Variants in ADGRB3 observed in about 807,000 individuals in gnomAD.
ADGRB3 encodes adhesion G protein-coupled receptor B3, also known as brain-specific angiogenesis inhibitor 3.
Under a neutral mutation model 193.4 loss-of-function variants are expected in ADGRB3, and 37 were observed. That is an observed-to-expected ratio of 0.19 (90% CI 0.15 to 0.25). The LOEUF (loss-of-function observed/expected upper bound fraction) is 0.25. ADGRB3 is among the 10% of genes least tolerant of loss of function. ADGRB3 has a pLI of 1.00. For missense variants in ADGRB3, 1,637 were observed against 1,852.9 expected, an observed-to-expected ratio of 0.88 and a Z score of 2.14; for synonymous variants, 690 against 644.2, an observed-to-expected ratio of 1.07 and a Z score of -1.08.
intron 3 of ADGRB3, among the ~76,000 whole-genome samples, chr6:68,799,957 T>C (rs1458951007): frequency 6.6e-6 from 1 of 152,174 alleles, no homozygotes; most frequent in African/African-American, 2.4e-5. Context: ...CCATTTGAGA[T>C]GGAAACCCTG....
At chr6:68,698,679 G>A (rs954148137) in intron 3 of ADGRB3, among the ~76,000 whole-genome samples, 4 of 151,992 alleles carry the variant, frequency 2.6e-5, no homozygotes, top group Admixed American at 6.6e-5. Context: ...AGAGAACATG[G>A]TTATTGATAA....
chr6:68,945,387 TATGAG>T (rs1221261275), intron 6 of ADGRB3, among the ~76,000 whole-genome samples: 1 of 152,126 alleles, frequency 6.6e-6, no homozygotes, highest in African/African-American at 2.4e-5. Flanking sequence ...AAAATCTATT[TATGAG>T]ATCAGTAACA....
chr6:69,375,007 G>T (rs958764640), intron 30 of ADGRB3, among the ~76,000 whole-genome samples: 10 of 152,016 alleles, frequency 6.6e-5, no homozygotes, highest in African/African-American at 1.9e-4. Flanking sequence ...AATAGGAAAA[G>T]GCATGTAGGT....
chr6:68,786,708 G>T (rs1487987124), intron 3 of ADGRB3, among the ~76,000 whole-genome samples: 1 of 150,812 alleles, frequency 6.6e-6, no homozygotes, highest in Admixed American at 6.6e-5. Flanking sequence ...TTGGTAGCTT[G>T]ATGGGGATGG....
chr6:68,963,058 C>G (rs1329041188), intron 8 of ADGRB3, among the ~76,000 whole-genome samples: 1 of 152,144 alleles, frequency 6.6e-6, no homozygotes, highest in Non-Finnish European at 1.5e-5. Flanking sequence ...AGTGATTCCT[C>G]ATTCTAGCAA....
chr6:69,187,387 T>C (rs1765092939), intron 17 of ADGRB3, among the ~76,000 whole-genome samples: 1 of 152,156 alleles, frequency 6.6e-6, no homozygotes, highest in South Asian at 2.1e-4. Context: ...GACTTTCTGG[T>C]GATGCACTAA....
chr6:69,360,594 G>A (rs914437030), intron 28 of ADGRB3, among the ~76,000 whole-genome samples: 1 of 151,824 alleles, frequency 6.6e-6, no homozygotes, highest in East Asian at 1.9e-4. Context: ...TTAAGGACAG[G>A]GTACTAAGAT....
At chr6:69,372,997 GA>G (rs1769738136) in intron 30 of ADGRB3, among the ~76,000 whole-genome samples, 1 of 151,784 alleles carries the variant, frequency 6.6e-6, no homozygotes, top group Non-Finnish European at 1.5e-5. Context: ...CAAACAAGAT[GA>G]AAATTTTCAT....
At chr6:69,194,140 A>G (rs1765252007) in intron 17 of ADGRB3, among the ~76,000 whole-genome samples, 1 of 152,096 alleles carries the variant, frequency 6.6e-6, no homozygotes, top group African/African-American at 2.4e-5. Context: ...TTTCTAAAAC[A>G]AAATAAATTT....
chr6:68,728,577 C>T lies in ADGRB3; in HGVS notation c.757+89145C>T, dbSNP rs148771962. Among the ~76,000 whole-genome samples the T allele has an allele frequency of 1.3e-3, 193 of 151,580 alleles. 1 individual carries two copies. Among genetic ancestry groups the T allele is most frequent in the African/African-American group, 4.5e-3 (185 of 41,432 alleles). Reference sequence around the variant, plus strand: ...GGCTTTCTTCTAAATTACACACACACAAACACACACACGTAATATGTAGGC... The same window carrying T: ...GGCTTTCTTCTAAATTACACACACATAAACACACACACGTAATATGTAGGC... On this transcript the variant is annotated intron_variant, in intron 3 of 31. Coordinates refer to ENST00000370598, the MANE Select transcript of ADGRB3 (RefSeq NM_001704.3).
chr6:69,034,569 A>G (rs1260178026), intron 13 of ADGRB3, among the ~76,000 whole-genome samples: 1 of 148,062 alleles, frequency 6.8e-6, no homozygotes, highest in Non-Finnish European at 1.5e-5. Flanking sequence ...TAAATTATAT[A>G]GCTATATATT....
intron 3 of ADGRB3, among the ~76,000 whole-genome samples, chr6:68,746,114 T>G (rs573484433): frequency 6.6e-6 from 1 of 152,204 alleles, no homozygotes; most frequent in South Asian, 2.1e-4. Flanking sequence ...TGCTGCCAAA[T>G]TAGCCTCCAT....
chr6:69,040,511 C>CATATATA (rs1305720327), intron 13 of ADGRB3, among the ~76,000 whole-genome samples: 7 of 150,938 alleles, frequency 4.6e-5, no homozygotes, highest in Non-Finnish European at 8.8e-5. Context: ...TGGATTCACC[C>CATATATA]TGTATACCAA....
At chr6:68,967,175 C>T (rs1768408287) in intron 8 of ADGRB3, among the ~76,000 whole-genome samples, 1 of 152,134 alleles carries the variant, frequency 6.6e-6, no homozygotes, top group African/African-American at 2.4e-5. Flanking sequence ...CCAAGAAGCA[C>T]AATGAATCCA....
rs190197666 is a variant in ADGRB3 at position 69,116,050 on chromosome 6, G to A, written c.2480+40012G>A. 5.9e-5 allele frequency among the ~76,000 whole-genome samples: 9 copies of A among 152,262 alleles called. No individual in the cohort carries two copies. The East Asian group carries it at 1.5e-3, about 26-fold the overall frequency. ...GTAAGAGTTGAAGTTGCAGTCTTGA[G>A]TTCAAAATTTTTAGGGAAGACCAGC... is the stretch of plus-strand genomic sequence containing the variant. On this transcript the variant is annotated intron_variant, in intron 17 of 31. Coordinates refer to ENST00000370598, the MANE Select transcript of ADGRB3 (RefSeq NM_001704.3).
intron 3 of ADGRB3, among the ~76,000 whole-genome samples, chr6:68,706,548 G>A (rs1357029347): frequency 6.6e-6 from 1 of 152,180 alleles, no homozygotes. Flanking sequence ...CACGCTGCCT[G>A]TGTTCATATT....
At chr6:68,759,980 A>C (rs1157883902) in intron 3 of ADGRB3, among the ~76,000 whole-genome samples, 1 of 152,118 alleles carries the variant, frequency 6.6e-6, no homozygotes, top group Admixed American at 6.6e-5. Flanking sequence ...TTTGGGTATG[A>C]TACTATATTT....
At chr6:68,914,180 G>A (rs200471563) in intron 3 of ADGRB3, among the ~76,000 whole-genome samples, 4 of 150,804 alleles carry the variant, frequency 2.7e-5, no homozygotes, top group Non-Finnish European at 5.9e-5. Flanking sequence ...TCAGATTCAG[G>A]AAATACAGAG....
intron 3 of ADGRB3, among the ~76,000 whole-genome samples, chr6:68,841,649 A>C (rs34625240): frequency 0.09 from 13,747 of 152,152 alleles, 826 homozygotes; most frequent in Non-Finnish European, 0.13. Context: ...GCCTACATCA[A>C]AAAAGTAGAA....
Sources: allele counts gnomAD v4.1 joint callset (sites outside exome capture counted in the v4.1 genomes callset), GRCh38; gene constraint gnomAD v4.1.1; transcripts MANE v1.5; gene names NCBI Gene and HGNC (gene_info 2026-07-23, HGNC 2026-07-21).